SPIRE1: variants seen among roughly 807,000 people sequenced by gnomAD.
SPIRE1 encodes the protein spire type actin nucleation factor 1.
SPIRE1 carries 40 observed loss-of-function variants against 94.1 expected under a neutral mutation model. The observed-to-expected ratio is 0.43, with a 90% CI of 0.33 to 0.55. The LOEUF (loss-of-function observed/expected upper bound fraction) is 0.55, where lower values mean the gene tolerates loss of function less well. Among genes scored for constraint, SPIRE1 ranks in the 20% least tolerant of loss-of-function variants. The pLI is 0.06. For missense variants in SPIRE1, 838 were observed against 975.2 expected (o/e 0.86, Z 1.87); for synonymous variants, 376 against 371.7 (o/e 1.01, Z -0.13).
intron 10 of SPIRE1, 102 bp from the exon 11 acceptor site, chr18:12,465,060 C>G (rs1004019176): frequency 1.1e-6 from 1 of 933,984 alleles, no homozygotes; most frequent in African/African-American, 1.7e-5. Flanking sequence ...CATGAGGCAC[C>G]AAAGTATGTC....
At position 12,657,806 on chromosome 18, in the gene SPIRE1, C is replaced by T; in HGVS notation, c.61G>A (p.Glu21Lys). 5 of 1,258,108 alleles carry T rather than the reference C, an allele frequency of 4.0e-6. No individual in the cohort carries two copies. Among genetic ancestry groups the T allele is most frequent in the South Asian group, 4.7e-5 (2 of 42,216 alleles). 77.9% of individuals were successfully genotyped at this position (1,258,108 alleles called of 1,614,324 possible). The change falls in exon 1 of 17, where the codon GAG becomes AAG. Residue 21 changes from glutamate to lysine, a missense_variant. By Grantham distance (56) the Glu-to-Lys change is moderately conservative. Around this residue, in one of 2 missense-constraint regions of SPIRE1, gnomAD observed 193 missense variants for 170.5 expected, o/e 1.13. Coordinates refer to ENST00000409402, the MANE Select transcript of SPIRE1 (RefSeq NM_001128626.2). Reference protein sequence around the residue: ...GEPRTEAVGGEGPREPGAAGG... With the variant: ...GEPRTEAVGGKGPREPGAAGG... The stretch of plus-strand genomic sequence containing the variant: ...GCTGCCCCGGGCTCCCGCGGCCCCT[C>T]GCCGCCCACTGCCTCAGTCCGCGGC...
chr18:12,575,317 T>C (rs183560275), intron 2 of SPIRE1, among the ~76,000 whole-genome samples: 34 of 152,180 alleles, frequency 2.2e-4, no homozygotes, highest in African/African-American at 8.2e-4. Flanking sequence ...AAAATTAAAA[T>C]AAAAAAGCTA....
intron 6 of SPIRE1, among the ~76,000 whole-genome samples, chr18:12,505,918 C>T (rs536302230): frequency 6.6e-6 from 1 of 152,020 alleles, no homozygotes; most frequent in Non-Finnish European, 1.5e-5. Flanking sequence ...TCACTTTGAC[C>T]AAATAAAGTG....
At chr18:12,655,656 T>C (rs906521420) in intron 1 of SPIRE1, among the ~76,000 whole-genome samples, 6 of 151,958 alleles carry the variant, frequency 3.9e-5, no homozygotes, top group Non-Finnish European at 4.4e-5. Context: ...CTCACACTAG[T>C]GATGTAAAAA....
chr18:12,594,352 T>C (rs1002167936), intron 2 of SPIRE1, among the ~76,000 whole-genome samples: 1 of 152,202 alleles, frequency 6.6e-6, no homozygotes, highest in Admixed American at 6.5e-5. Context: ...TAAATAATAA[T>C]GTCCATTATT....
At chr18:12,658,471 T>A (rs2038625683), upstream of SPIRE1, 1 of 441,390 alleles carries the variant, frequency 2.3e-6, no homozygotes, top group Non-Finnish European at 4.8e-6. Flanking sequence ...GGTGTCGCAT[T>A]TATCAGGGAA....
At chr18:12,548,118 A>T (rs2035227014) in intron 2 of SPIRE1, among the ~76,000 whole-genome samples, 1 of 152,228 alleles carries the variant, frequency 6.6e-6, no homozygotes, top group Non-Finnish European at 1.5e-5. Flanking sequence ...TTCACTATGC[A>T]TGGAAGTACC....
chr18:12,535,361 A>C, intron 4 of SPIRE1, 115 bp downstream of exon 4: 2 of 1,133,562 alleles, frequency 1.8e-6, no homozygotes, highest in Non-Finnish European at 2.5e-6. Flanking sequence ...GGATAGTAAT[A>C]AATCTTTTAA....
At chr18:12,510,396 A>G (rs898340076) in intron 5 of SPIRE1, among the ~76,000 whole-genome samples, 7 of 152,134 alleles carry the variant, frequency 4.6e-5, no homozygotes, top group African/African-American at 1.7e-4. Flanking sequence ...ATATCTCAAT[A>G]AAAGTTAGAA....
Position 12,500,268 on chromosome 18 carries a change from C to T in SPIRE1, c.973-4166G>A, listed in dbSNP as rs551851813. ...TGTAACAAACAGGCACATGCACACCCGCATCTAAATTAAAATGTAAAAAAA... is the reference window on the plus strand; with the variant it reads ...TGTAACAAACAGGCACATGCACACCTGCATCTAAATTAAAATGTAAAAAAA... On this transcript the variant is annotated intron_variant, in intron 6 of 16. Transcript: ENST00000409402. Among the ~76,000 whole-genome samples the T allele has an allele frequency of 7.2e-5, 11 of 152,152 alleles. No individual in the cohort carries two copies. The East Asian group carries it at 1.9e-3, about 27-fold the overall frequency.
intron 2 of SPIRE1, among the ~76,000 whole-genome samples, chr18:12,570,178 A>C (rs17525459): frequency 0.074 from 11,335 of 152,342 alleles, 592 homozygotes; most frequent in Non-Finnish European, 0.11. Context: ...ATTGGAGTCC[A>C]TATTTGTCTC....
intron 10 of SPIRE1, among the ~76,000 whole-genome samples, chr18:12,471,088 A>G (rs919211268): frequency 6.7e-6 from 1 of 150,344 alleles, no homozygotes; most frequent in Non-Finnish European, 1.5e-5. Context: ...GCTACAATCA[A>G]AACTCATCTT....
chr18:12,619,335 C>T (rs566670653), intron 2 of SPIRE1, among the ~76,000 whole-genome samples: 41 of 151,820 alleles, frequency 2.7e-4, no homozygotes, highest in African/African-American at 9.7e-4. Context: ...GGTGAAACCC[C>T]GTCTCTACTA....
At chr18:12,551,434 G>C (rs891633387) in intron 2 of SPIRE1, among the ~76,000 whole-genome samples, 1 of 152,170 alleles carries the variant, frequency 6.6e-6, no homozygotes, top group African/African-American at 2.4e-5. Context: ...GGGCGCGGTG[G>C]CTCACGCCTG....
chr18:12,572,152 G>A (rs188769797), intron 2 of SPIRE1, among the ~76,000 whole-genome samples: 1 of 152,278 alleles, frequency 6.6e-6, no homozygotes, highest in East Asian at 1.9e-4. Context: ...ATGACTAGAG[G>A]AAGAGCGAGG....
chr18:12,658,626 G>T, upstream of SPIRE1: 1 of 470,080 alleles, frequency 2.1e-6, no homozygotes, highest in South Asian at 1.6e-5. Context: ...TGGAGCGGAT[G>T]CCTAAGAAAA....
chr18:12,574,038 C>T (rs771650074), intron 2 of SPIRE1, among the ~76,000 whole-genome samples: 31 of 152,114 alleles, frequency 2.0e-4, no homozygotes, highest in Admixed American at 2.0e-4. Context: ...CGCTCCCGGC[C>T]GACTTTTAAT....
intron 2 of SPIRE1, 129 bp from the exon 3 acceptor site, chr18:12,547,033 T>C: frequency 1.7e-6 from 1 of 596,080 alleles, no homozygotes; most frequent in East Asian, 2.8e-5. Flanking sequence ...AAACCCTTTT[T>C]ATATTCTCTT....
intron 3 of SPIRE1, among the ~76,000 whole-genome samples, chr18:12,536,173 T>C (rs749948920): frequency 6.6e-6 from 1 of 152,152 alleles, no homozygotes; most frequent in East Asian, 1.9e-4. Context: ...ATAGGACATA[T>C]GTAAAAGTTT....
Sources: allele counts gnomAD v4.1 joint callset (sites outside exome capture counted in the v4.1 genomes callset), GRCh38; gene constraint gnomAD v4.1.1; regional missense constraint gnomAD v4.1.1; transcripts MANE v1.5; gene names NCBI Gene and HGNC (gene_info 2026-07-23, HGNC 2026-07-21).